The following DNAH6 variants were observed in gnomAD, a reference collection of about 807,000 sequenced individuals.
DNAH6 encodes the protein axonemal beta dynein heavy chain 6.
DNAH6 carries 340 observed loss-of-function variants against 491.4 expected under a neutral mutation model. The observed-to-expected ratio is 0.69, with a 90% CI of 0.63 to 0.76. The LOEUF (loss-of-function observed/expected upper bound fraction) is 0.76. Among genes scored for constraint, DNAH6 ranks in the 30% least tolerant of loss-of-function variants. The pLI, the probability that DNAH6 is intolerant of heterozygous loss-of-function variation, is 0.00. For synonymous variants in DNAH6, 1,603 were observed against 1,686.1 expected, an observed-to-expected ratio of 0.95 and a Z score of 1.21; for missense variants, 4,443 against 4,972.2, an observed-to-expected ratio of 0.89 and a Z score of 3.20.
chr2:84,745,665 CA>C (rs34589141), intron 63 of DNAH6, among the ~76,000 whole-genome samples: 202 of 61,922 alleles, frequency 3.3e-3, no homozygotes, highest in East Asian at 5.1e-3. Flanking sequence ...GACACTGTCT[CA>C]AAAAAAAAAA....
At chr2:84,668,927 A>C (rs977603885) in intron 37 of DNAH6, among the ~76,000 whole-genome samples, 5 of 151,544 alleles carry the variant, frequency 3.3e-5, no homozygotes, top group Non-Finnish European at 5.9e-5. Flanking sequence ...TATGTCCCTC[A>C]GGGGGATTAC....
At chr2:84,621,950 G>T (rs941248597) in intron 26 of DNAH6, among the ~76,000 whole-genome samples, 4 of 152,012 alleles carry the variant, frequency 2.6e-5, no homozygotes, top group African/African-American at 9.7e-5. Context: ...CTGCTGTTTT[G>T]TAAAACTGTC....
At chr2:84,592,019 A>G (rs1337024689) in intron 16 of DNAH6, among the ~76,000 whole-genome samples, 3 of 152,216 alleles carry the variant, frequency 2.0e-5, no homozygotes, top group South Asian at 2.1e-4. Context: ...TCTTCATGAC[A>G]TTGGCCTTGG....
rs774370293 is a variant in DNAH6, at chr2:84,573,531, T to C, written c.1868T>C (p.Ile623Thr). ...IYAATFEKFQ[I>T]FFKENESLDL... ...GCAGCTACCTTTGAAAAGTTCCAGA[T>C]ATTCTTCAAGGAAAATGAAAGTCTT... The change falls in exon 12 of 77, where the codon ATA becomes ACA. Residue 623 changes from isoleucine to threonine, a missense_variant. By Grantham distance (89) the Ile-to-Thr change is moderately conservative. Transcript: ENST00000389394. 2 of 1,593,376 alleles carry C rather than the reference T, an allele frequency of 1.3e-6. No individual in the cohort carries two copies. The highest frequency in any genetic ancestry group is 3.7e-5 in the Admixed American group (2 of 53,860).
In DNAH6 at chr2:84,715,646, G is replaced by A. The variant is rs1178847431; in HGVS notation, c.9611+19G>A. 2 of 1,549,112 alleles carry A rather than the reference G, an allele frequency of 1.3e-6. No individual in the cohort carries two copies. The highest frequency in any genetic ancestry group is 2.7e-5 in the African/African-American group (2 of 72,950). ...TGTTAAGGTAAAAAAACAGGGAGTT[G>A]AGGGGAGGGAAGGGGGTATTGTGGG... is the stretch of plus-strand genomic sequence containing the variant. On this transcript the variant is annotated intron_variant, in intron 58 of 76. Transcript: ENST00000389394.
chr2:84,659,475 G>T (rs867183529), intron 37 of DNAH6, among the ~76,000 whole-genome samples: 1 of 152,128 alleles, frequency 6.6e-6, no homozygotes, highest in Non-Finnish European at 1.5e-5. Context: ...TGATTGGTTA[G>T]CTATCCTGAA....
intron 12 of DNAH6, among the ~76,000 whole-genome samples, chr2:84,575,791 G>A (rs943713064): frequency 1.3e-5 from 2 of 152,222 alleles, no homozygotes; most frequent in African/African-American, 4.8e-5. Flanking sequence ...GGCTGAGGCA[G>A]GAGAATGGTG....
At chr2:84,639,688 G>A (rs942907379) in intron 31 of DNAH6, among the ~76,000 whole-genome samples, 6 of 152,030 alleles carry the variant, frequency 3.9e-5, no homozygotes, top group East Asian at 1.9e-4. Flanking sequence ...CCAAAGTGCT[G>A]GGATTACAGG....
chr2:84,788,648 C>A (rs1677450826), intron 68 of DNAH6, among the ~76,000 whole-genome samples: 1 of 152,184 alleles, frequency 6.6e-6, no homozygotes. Flanking sequence ...GTGACCATAG[C>A]TTTATCACAT....
chr2:84,495,060 A>G, the DNAH6 span, among the ~76,000 whole-genome samples: 1 of 152,182 alleles, frequency 6.6e-6, no homozygotes, highest in African/African-American at 2.4e-5. Context: ...CAATGTCTGG[A>G]TCTCTCACTC....
At position 84,604,529 on chromosome 2, in the gene DNAH6, C is replaced by T; in HGVS notation, c.3059C>T (p.Ala1020Val). 1 of 1,551,282 alleles carries T rather than the reference C, an allele frequency of 6.4e-7. No homozygotes were observed. Among genetic ancestry groups the T allele is most frequent in the Non-Finnish European group, 8.7e-7 (1 of 1,146,780 alleles). Residue 1020 changes from alanine to valine, a missense_variant, in exon 19 of 77, where the codon GCC becomes GTC. Ala to Val is a moderately conservative substitution (Grantham distance 64, BLOSUM62 0). Around this residue, in one of 3 missense-constraint regions of DNAH6, gnomAD observed 2,977 missense variants for 3,296.6 expected, o/e 0.90. Coordinates refer to ENST00000389394, the MANE Select transcript of DNAH6 (RefSeq NM_001370.2). The stretch of plus-strand genomic sequence containing the variant: ...TCTGGACAGGCTTCTGGAGAAGCTG[C>T]CTTAGAAGCAATTCTTAAAAAGGTA... ...DISGQASGEA[A>V]LEAILKKVED...
chr2:84,639,160 G>A (rs1010470879), intron 31 of DNAH6, among the ~76,000 whole-genome samples: 5 of 152,088 alleles, frequency 3.3e-5, no homozygotes, highest in South Asian at 2.1e-4. Context: ...ATGGTGGGGT[G>A]GGGGGCAGTT....
chr2:84,550,840 ATAGTT>A (rs1431315422), intron 9 of DNAH6, among the ~76,000 whole-genome samples: 2 of 152,180 alleles, frequency 1.3e-5, no homozygotes, highest in African/African-American at 2.4e-5. Context: ...GAGATAAACA[ATAGTT>A]TAGAGGTGAA....
At chr2:84,640,637 T>C (rs1207455365) in intron 32 of DNAH6, 59 bp downstream of exon 32, 23 of 1,481,844 alleles carry the variant, frequency 1.6e-5, no homozygotes, top group Non-Finnish European at 2.1e-5. Flanking sequence ...ATGCATTAAA[T>C]GGGTAACTCA....
intron 40 of DNAH6, among the ~76,000 whole-genome samples, chr2:84,674,864 T>C (rs186250735): frequency 6.6e-6 from 1 of 152,244 alleles, no homozygotes; most frequent in East Asian, 1.9e-4. Flanking sequence ...TCCCTGGCAC[T>C]CTGAGGCTCC....
intron 50 of DNAH6, 142 bp downstream of exon 50, chr2:84,703,704 T>TA: frequency 1.4e-6 from 1 of 730,888 alleles, no homozygotes. Context: ...TTTTTTTTTT[T>TA]AGCAATTTAG....
chr2:84,544,862 T>C (rs1187123389), intron 5 of DNAH6, among the ~76,000 whole-genome samples: 1 of 152,154 alleles, frequency 6.6e-6, no homozygotes. Context: ...TGAGACACTC[T>C]AGATTTTATA....
chr2:84,613,142 A>AGTGT (rs1483746880), intron 22 of DNAH6, among the ~76,000 whole-genome samples: 7 of 150,020 alleles, frequency 4.7e-5, no homozygotes, highest in Middle Eastern at 6.8e-3. Flanking sequence ...AGAGAGAGAG[A>AGTGT]GAGTGTGTGT....
intron 35 of DNAH6, among the ~76,000 whole-genome samples, chr2:84,657,146 T>G (rs942916979): frequency 6.6e-6 from 1 of 152,072 alleles, no homozygotes; most frequent in Non-Finnish European, 1.5e-5. Flanking sequence ...ACTGTACTTA[T>G]GCAGGTCTAT....
Sources: gnomAD v4.1 joint callset for allele counts (sites outside exome capture counted in the v4.1 genomes callset) on GRCh38, gnomAD v4.1.1 for gene constraint, gnomAD v4.1.1 regional missense constraint, MANE v1.5 for transcripts, NCBI Gene and HGNC (gene_info 2026-07-23, HGNC 2026-07-21) for gene names.